ASB3: variants seen among roughly 807,000 people sequenced by gnomAD.
ASB3 encodes the protein ankyrin repeat and SOCS box protein 3.
Under a neutral mutation model 54.5 loss-of-function variants are expected in ASB3, and 41 were observed. The ratio of observed to expected loss-of-function variants is 0.75; its 90% CI spans 0.59 to 0.98. The LOEUF is 0.98. Among genes scored for constraint, ASB3 ranks in the 50% least tolerant of loss-of-function variants. ASB3 has a pLI of 0.00. For synonymous variants in ASB3, 266 were observed against 221.2 expected, an observed-to-expected ratio of 1.20 and a Z score of -1.80; for missense variants, 733 against 620.0, an observed-to-expected ratio of 1.18 and a Z score of -1.94.
At chr2:53,758,609 C>T (rs1354564026) in intron 2 of ASB3, among the ~76,000 whole-genome samples, 1 of 152,158 alleles carries the variant, frequency 6.6e-6, no homozygotes, top group Non-Finnish European at 1.5e-5. Flanking sequence ...TAGAATCCAG[C>T]AGCCCGGACC....
chr2:53,741,909 G>C (rs923671351), intron 3 of ASB3, among the ~76,000 whole-genome samples: 2 of 152,090 alleles, frequency 1.3e-5, no homozygotes, highest in African/African-American at 2.4e-5. Flanking sequence ...GGCTCCAAAA[G>C]AATGACGATC....
intron 9 of ASB3, among the ~76,000 whole-genome samples, chr2:53,691,561 G>A (rs1223499923): frequency 2.0e-5 from 3 of 152,144 alleles, no homozygotes; most frequent in Non-Finnish European, 4.4e-5. Flanking sequence ...TCAAAGAGTT[G>A]TCCTGCTGGG....
chr2:53,751,238 A>G (rs754645134), intron 2 of ASB3, among the ~76,000 whole-genome samples: 3 of 152,190 alleles, frequency 2.0e-5, no homozygotes, highest in Non-Finnish European at 4.4e-5. Flanking sequence ...AACAAAAGCA[A>G]TAGTCTGAGG....
intron 7 of ASB3, among the ~76,000 whole-genome samples, chr2:53,703,515 C>G (rs1448523617): frequency 6.6e-6 from 1 of 152,212 alleles, no homozygotes; most frequent in African/African-American, 2.4e-5. Flanking sequence ...AGGAGGATCA[C>G]TTGACCTCAT....
At chr2:53,733,398 G>A (rs992188704) in intron 3 of ASB3, among the ~76,000 whole-genome samples, 21 of 150,304 alleles carry the variant, frequency 1.4e-4, no homozygotes, top group Non-Finnish European at 2.8e-4. Flanking sequence ...CTCCTTTTTA[G>A]AATTTCATCT....
chr2:53,720,398 C>G (rs890383325), intron 5 of ASB3, among the ~76,000 whole-genome samples: 3 of 152,144 alleles, frequency 2.0e-5, no homozygotes, highest in African/African-American at 7.2e-5. Flanking sequence ...TGACTGAGAT[C>G]TCTCTCAGAT....
intron 1 of ASB3, chr2:53,774,346 G>A (rs1255869119): frequency 1.9e-6 from 3 of 1,613,408 alleles, no homozygotes; most frequent in East Asian, 4.5e-5. Flanking sequence ...ACCTCTGGAA[G>A]ACATTGCTGA....
chr2:53,700,677 T>G (rs958115679), intron 7 of ASB3, 149 bp from the exon 8 acceptor site: 52 of 1,214,084 alleles, frequency 4.3e-5, no homozygotes, highest in Non-Finnish European at 5.7e-5. Context: ...GGATTGAGAT[T>G]AGAGAATGTG....
At chr2:53,726,271 T>C (rs981583139) in intron 5 of ASB3, among the ~76,000 whole-genome samples, 1 of 150,842 alleles carries the variant, frequency 6.6e-6, no homozygotes, top group African/African-American at 2.4e-5. Context: ...TTTTTTTTTT[T>C]TTTTTGGGAG....
At chr2:53,767,927 A>C (rs770889541) in intron 1 of ASB3, 2 of 1,613,940 alleles carry the variant, frequency 1.2e-6, no homozygotes, top group South Asian at 2.2e-5. Flanking sequence ...TGGAAGGTGG[A>C]TTTCCCCTAT....
intron 3 of ASB3, among the ~76,000 whole-genome samples, chr2:53,734,738 T>A (rs1049760077): frequency 6.6e-6 from 1 of 152,164 alleles, no homozygotes; most frequent in Non-Finnish European, 1.5e-5. Flanking sequence ...AAATTCCCCA[T>A]ATTTCTCTAA....
chr2:53,727,914 T>C (rs978681019), intron 5 of ASB3, among the ~76,000 whole-genome samples: 1 of 152,008 alleles, frequency 6.6e-6, no homozygotes, highest in Admixed American at 6.6e-5. Context: ...TCAGTAGAGA[T>C]GGGGTTTCGC....
intron 9 of ASB3, among the ~76,000 whole-genome samples, chr2:53,671,638 A>T (rs1311716214): frequency 6.6e-6 from 1 of 151,924 alleles, no homozygotes; most frequent in African/African-American, 2.4e-5. Context: ...ACATGCCTGT[A>T]ATCCCACCTA....
intron 7 of ASB3, among the ~76,000 whole-genome samples, chr2:53,712,055 G>A (rs1426004618): frequency 6.6e-6 from 1 of 152,028 alleles, no homozygotes; most frequent in East Asian, 1.9e-4. Context: ...AAACTGTGGA[G>A]TTCCTTAAAA....
At chr2:53,782,148 G>A (rs1674683490) in intron 1 of ASB3, among the ~76,000 whole-genome samples, 1 of 152,164 alleles carries the variant, frequency 6.6e-6, no homozygotes, top group Non-Finnish European at 1.5e-5. Context: ...CTGCACTCTA[G>A]CCCGGGTGAC....
chr2:53,679,219 T>C lies in ASB3; in HGVS notation c.1370-8529A>G, dbSNP rs72793636. ...AAGAAAACTAAGCAATGCTGGAAAA[T>C]ACAACTACATGAACTGGTTCCACTT... On this transcript the variant is annotated intron_variant, in intron 9 of 9. Coordinates refer to ENST00000263634, the MANE Select transcript of ASB3 (RefSeq NM_016115.5). 2.0e-3 allele frequency among the ~76,000 whole-genome samples: 305 copies of C among 152,276 alleles called. No individual in the cohort carries two copies. In the Middle Eastern group the frequency reaches 0.031, roughly 15 times the overall value.
chr2:53,682,678 T>C (rs1438894977), intron 9 of ASB3, among the ~76,000 whole-genome samples: 1 of 152,096 alleles, frequency 6.6e-6, no homozygotes, highest in Non-Finnish European at 1.5e-5. Flanking sequence ...GGTTTCACCA[T>C]ATTGGCCAGG....
chr2:53,743,726 C>T (rs956238677), intron 3 of ASB3, among the ~76,000 whole-genome samples: 2 of 152,118 alleles, frequency 1.3e-5, no homozygotes, highest in Non-Finnish European at 2.9e-5. Context: ...TAATAAGTAT[C>T]CTAGTTTCAT....
chr2:53,709,879 G>C (rs1209060805), intron 7 of ASB3, among the ~76,000 whole-genome samples: 1 of 152,114 alleles, frequency 6.6e-6, no homozygotes, highest in East Asian at 1.9e-4. Context: ...CTTCCGTCTT[G>C]TTCTCTCTTA....
Sources: allele counts gnomAD v4.1 joint callset (sites outside exome capture counted in the v4.1 genomes callset), GRCh38; gene constraint gnomAD v4.1.1; transcripts MANE v1.5; gene names NCBI Gene and HGNC (gene_info 2026-07-23, HGNC 2026-07-21).